Variants in ZNF407 observed in about 807,000 individuals in gnomAD.
ZNF407 encodes zinc finger protein 407.
In ZNF407, 17 loss-of-function variants were observed where a neutral mutation model predicts 131.2. That is an observed-to-expected ratio of 0.13 (90% CI 0.09 to 0.19). ZNF407 has a LOEUF of 0.19. ZNF407 is among the 10% of genes least tolerant of loss of function. The pLI, the probability that ZNF407 is intolerant of heterozygous loss-of-function variation, is 1.00. For missense variants in ZNF407, 2,681 were observed against 2,830.6 expected (o/e 0.95, Z 1.20); for synonymous variants, 1,156 against 1,062.0 (o/e 1.09, Z -1.72).
Position 74,755,818 on chromosome 18 carries a change from T to TCCTC in ZNF407, c.4803-25598_4803-25595dup, listed in dbSNP as rs796785697. Among the ~76,000 whole-genome samples, 191 of 119,152 alleles carry TCCTC rather than the reference T, an allele frequency of 1.6e-3. 1 individual carries two copies. Among genetic ancestry groups the TCCTC allele is most frequent in the African/African-American group, 5.7e-3 (169 of 29,472 alleles). The allele number at this position is 119,152 out of a possible 152,430, so 78.2% of individuals were successfully genotyped here. On this transcript the variant is annotated intron_variant, in intron 3 of 8. Coordinates refer to ENST00000299687, the MANE Select transcript of ZNF407 (RefSeq NM_017757.3). Reference sequence around the variant, plus strand: ...TTCTTTCATTCATTCGTTCATTCATTCCTCCCTCCCTCCCTTCCCTCCCTC... The same window carrying TCCTC: ...TTCTTTCATTCATTCGTTCATTCATTCCTCCCTCCCTCCCTCCCTTCCCTCCCTC...
chr18:74,732,997 A>G (rs751244697), intron 3 of ZNF407, among the ~76,000 whole-genome samples: 1 of 152,168 alleles, frequency 6.6e-6, no homozygotes, highest in Non-Finnish European at 1.5e-5. Context: ...GTTAAATAAG[A>G]TTTAATATTC....
At chr18:75,006,652 G>A (rs946988698) in intron 8 of ZNF407, among the ~76,000 whole-genome samples, 1 of 152,088 alleles carries the variant, frequency 6.6e-6, no homozygotes, top group African/African-American at 2.4e-5. Context: ...GAAATTTGTT[G>A]TAGCTTGCCT....
rs148848803 is a variant in ZNF407 at position 74,871,889 on chromosome 18, T to A, written c.4878-5308T>A. 1.5e-3 allele frequency among the ~76,000 whole-genome samples: 223 copies of A among 150,024 alleles called. 4 individuals are homozygous for A. The East Asian group carries it at 0.032, about 22-fold the overall frequency. On this transcript the variant is annotated intron_variant, in intron 4 of 8. Coordinates refer to ENST00000299687, the MANE Select transcript of ZNF407 (RefSeq NM_017757.3). ...TTCTTTTTTTTTTTTTGAAACAGAG[T>A]CTCAGAGTCTCACTTTGCTGCCCAG...
intron 4 of ZNF407, among the ~76,000 whole-genome samples, chr18:74,839,023 C>A (rs1599187926): frequency 6.6e-6 from 1 of 152,010 alleles, no homozygotes; most frequent in East Asian, 1.9e-4. Flanking sequence ...AAAAAAAATA[C>A]ATATATCTCT....
intron 4 of ZNF407, among the ~76,000 whole-genome samples, chr18:74,870,364 C>G (rs1433542712): frequency 6.6e-6 from 1 of 152,182 alleles, no homozygotes; most frequent in Non-Finnish European, 1.5e-5. Flanking sequence ...CAAAAATGTG[C>G]TCAAGACTCT....
At chr18:74,851,507 C>T (rs1970782956) in intron 4 of ZNF407, among the ~76,000 whole-genome samples, 1 of 152,098 alleles carries the variant, frequency 6.6e-6, no homozygotes, top group Admixed American at 6.5e-5. Context: ...GGAGTATGGC[C>T]ACCTGAATGT....
intron 4 of ZNF407, among the ~76,000 whole-genome samples, chr18:74,841,268 G>T (rs767573831): frequency 6.6e-6 from 1 of 152,154 alleles, no homozygotes; most frequent in Non-Finnish European, 1.5e-5. Flanking sequence ...CACGGTGGAG[G>T]CTTTTCACCA....
Position 74,635,998 on chromosome 18 carries a change from A to C in ZNF407, c.4687+292A>C, listed in dbSNP as rs1256888903. Reference sequence around the variant, plus strand: ...AACTGCTGTCTGTTGGCGGCTTTTCAGTTGTTTCTGAGTCCTAATTATTTG... The same window carrying C: ...AACTGCTGTCTGTTGGCGGCTTTTCCGTTGTTTCTGAGTCCTAATTATTTG... On this transcript the variant is annotated intron_variant, in intron 2 of 8. Coordinates refer to ENST00000299687, the MANE Select transcript of ZNF407 (RefSeq NM_017757.3). The surrounding 1 kb of genome is among the most constrained non-coding windows in gnomAD (Gnocchi z 4.7). 1.3e-5 allele frequency among the ~76,000 whole-genome samples: 2 copies of C among 152,110 alleles called. No homozygotes were observed. The highest frequency in any genetic ancestry group is 2.9e-5 in the Non-Finnish European group (2 of 68,026).
intron 7 of ZNF407, among the ~76,000 whole-genome samples, chr18:74,907,569 C>T (rs1238211597): frequency 1.3e-5 from 2 of 152,152 alleles, no homozygotes; most frequent in Admixed American, 6.5e-5. Flanking sequence ...GCTCTCCCAC[C>T]ATTCAGCCGG....
intron 8 of ZNF407, among the ~76,000 whole-genome samples, chr18:74,988,357 G>C (rs1247610084): frequency 6.6e-6 from 1 of 151,860 alleles, no homozygotes; most frequent in Non-Finnish European, 1.5e-5. Context: ...GAGATTTCTT[G>C]GATAGGATGT....
intron 3 of ZNF407, among the ~76,000 whole-genome samples, chr18:74,739,648 C>T (rs949076690): frequency 1.3e-5 from 2 of 151,792 alleles, no homozygotes; most frequent in Non-Finnish European, 2.9e-5. Flanking sequence ...AACGTATAAC[C>T]TTACCTCCAA....
At chr18:74,662,061 G>C (rs1306981429) in intron 3 of ZNF407, among the ~76,000 whole-genome samples, 1 of 148,494 alleles carries the variant, frequency 6.7e-6, no homozygotes, top group Non-Finnish European at 1.5e-5. Context: ...TTTTTGGTAT[G>C]ATCAACTGGA....
In ZNF407 at chr18:75,063,738, C is replaced by T. The variant is rs778605318; in HGVS notation, c.6017C>T (p.Ala2006Val). 2 of 1,612,090 alleles carry T rather than the reference C, an allele frequency of 1.2e-6. No homozygotes were observed. Among genetic ancestry groups the T allele is most frequent in the African/African-American group, 2.7e-5 (2 of 74,900 alleles). The change falls in exon 9 of 9, where the codon GCT (alanine) becomes GTT (valine). Residue 2006 changes from alanine (A) to valine (V), a missense_variant. Physicochemically the swap from Ala to Val is moderately conservative, Grantham distance 64. Transcript: ENST00000299687. The surrounding 1 kb of genome is among the most constrained non-coding windows in gnomAD (Gnocchi z 6.6). ...GAATTAGGGGAGGTGGAGGGCAGGG[C>T]TGGGCTCGAGGAGCAAGGCAGGCCC... is the stretch of plus-strand genomic sequence containing the variant. ...VTELGEVEGR[A>V]GLEEQGRPGA...
rs369329654 is a variant in ZNF407, at chr18:74,630,996, A to G, written c.-24A>G. ...TGAGTGCCAGTGAGCCGCCTTAGAT[A>G]GAAGCATCGTCAGCACTTTATTAAT... On this transcript the variant is annotated 5_prime_UTR_variant, in exon 2 of 9. The change creates a new upstream start codon in the 5' untranslated region. Transcript: ENST00000299687. 2.5e-6 allele frequency: 4 copies of G among 1,580,268 alleles called. No homozygotes were observed. The African/African-American group carries it at 5.4e-5, about 22-fold the overall frequency.
intron 7 of ZNF407, among the ~76,000 whole-genome samples, chr18:74,895,550 C>T (rs1971443086): frequency 6.6e-6 from 1 of 151,888 alleles, no homozygotes; most frequent in Non-Finnish European, 1.5e-5. Flanking sequence ...TTTTAAGATG[C>T]AATGACAAAA....
intron 4 of ZNF407, among the ~76,000 whole-genome samples, chr18:74,811,413 T>C (rs1429771131): frequency 1.3e-5 from 2 of 152,092 alleles, no homozygotes; most frequent in Admixed American, 6.5e-5. Flanking sequence ...GGAACACTTT[T>C]ACACTGTTGA....
At chr18:74,706,392 A>G (rs1967624565) in intron 3 of ZNF407, among the ~76,000 whole-genome samples, 1 of 152,184 alleles carries the variant, frequency 6.6e-6, no homozygotes, top group South Asian at 2.1e-4. Flanking sequence ...GCAATTGACA[A>G]TGATTGCCTT....
intron 4 of ZNF407, among the ~76,000 whole-genome samples, chr18:74,864,262 C>T (rs542876435): frequency 1.3e-5 from 2 of 152,272 alleles, no homozygotes; most frequent in South Asian, 2.1e-4. Context: ...TCGTACTACA[C>T]CTTATCCTAG....
rs562582021 is a variant in ZNF407 at position 74,801,856 on chromosome 18, A to G, written c.4877+20354A>G. On this transcript the variant is annotated intron_variant, in intron 4 of 8. Coordinates refer to ENST00000299687, the MANE Select transcript of ZNF407 (RefSeq NM_017757.3). The stretch of plus-strand genomic sequence containing the variant: ...AGAGTGTGAATTACTCTGTATGAAC[A>G]ATAAACATTCCAGAAATCGTCCAAG... Among the ~76,000 whole-genome samples, 4 of 152,360 alleles carry G rather than the reference A, an allele frequency of 2.6e-5. No homozygotes were observed. In the South Asian group the frequency reaches 8.3e-4, roughly 32 times the overall value.
Sources: gnomAD v4.1 joint callset for allele counts (sites outside exome capture counted in the v4.1 genomes callset) on GRCh38, gnomAD v4.1.1 for gene constraint, Gnocchi (gnomAD v3.1) non-coding constraint, MANE v1.5 for transcripts, NCBI Gene and HGNC (gene_info 2026-07-23, HGNC 2026-07-21) for gene names.